Variants in P2RX7 observed in about 807,000 individuals in gnomAD.
P2RX7 encodes P2X purinoceptor 7.
In P2RX7, 62 loss-of-function variants were observed where a neutral mutation model predicts 71.6. The observed-to-expected ratio is 0.87, with a 90% confidence interval of 0.71 to 1.07. P2RX7 has a LOEUF of 1.07. Among genes scored for constraint, P2RX7 ranks in the 50% least tolerant of loss-of-function variants. P2RX7 has a pLI of 0.00. For missense variants in P2RX7, 686 were observed against 748.5 expected (o/e 0.92, Z 0.97); for synonymous variants, 299 against 283.3 (o/e 1.06, Z -0.56).
At chr12:121,171,359 C>CTTTTT in intron 8 of P2RX7, among the ~76,000 whole-genome samples, 1 of 105,024 alleles carries the variant, frequency 9.5e-6, no homozygotes, top group Non-Finnish European at 1.8e-5. Flanking sequence ...TCTTCAATCT[C>CTTTTT]TTTTTTTTTT....
intron 1 of P2RX7, among the ~76,000 whole-genome samples, chr12:121,148,370 G>A (rs112831493): frequency 6.6e-6 from 1 of 151,488 alleles, no homozygotes; most frequent in South Asian, 2.1e-4. Context: ...ACCCATCACC[G>A]CACCTAGCTA....
Position 121,133,024 on chromosome 12 carries a change from C to A in P2RX7, c.54C>A (p.Val18=). The A allele has an allele frequency of 6.2e-7, 1 of 1,614,056 alleles. No homozygotes were observed. The highest frequency in any genetic ancestry group is 1.1e-5 in the South Asian group (1 of 91,066). ...TTTTCCAGTATGAGACGAACAAAGT[C>A]ACTCGGATCCAGAGCATGAATTATG... is the stretch of plus-strand genomic sequence containing the variant. ...SDVFQYETNK[V]TRIQSMNYGT... Residue 18 remains valine, a synonymous_variant, in exon 1 of 13, where the codon GTC becomes GTA. Coordinates refer to ENST00000328963, the MANE Select transcript of P2RX7 (RefSeq NM_002562.6).
intron 1 of P2RX7, among the ~76,000 whole-genome samples, chr12:121,145,460 C>G (rs529476480): frequency 4.7e-4 from 71 of 150,342 alleles, no homozygotes; most frequent in Admixed American, 1.1e-3. Flanking sequence ...GTGAGTGAAT[C>G]AAGATGCGGA....
chr12:121,160,772 C>A, intron 3 of P2RX7, 130 bp from the exon 4 acceptor site: 1 of 805,032 alleles, frequency 1.2e-6, no homozygotes, highest in Non-Finnish European at 2.2e-6. Flanking sequence ...GTGGTTTCCA[C>A]TTTTTTGGCG....
intron 3 of P2RX7, among the ~76,000 whole-genome samples, chr12:121,159,515 C>T (rs1879225683): frequency 6.6e-6 from 1 of 151,572 alleles, no homozygotes; most frequent in Admixed American, 6.6e-5. Context: ...AATGGTGCAG[C>T]TACTGCTGAA....
chr12:121,166,369 C>T (rs1345341971), intron 7 of P2RX7, among the ~76,000 whole-genome samples, 182 bp downstream of exon 7: 1 of 152,190 alleles, frequency 6.6e-6, no homozygotes, highest in African/African-American at 2.4e-5. Context: ...CCAAAACAAT[C>T]CTTATGAGTG....
At chr12:121,164,405 A>G (rs187893323) in intron 5 of P2RX7, among the ~76,000 whole-genome samples, 117 of 152,368 alleles carry the variant, frequency 7.7e-4, no homozygotes, top group African/African-American at 2.7e-3. Flanking sequence ...CAACCACTGT[A>G]CATACCTGAA....
intron 1 of P2RX7, 59 bp downstream of exon 1, chr12:121,133,154 C>T: frequency 6.3e-7 from 1 of 1,595,004 alleles, no homozygotes; most frequent in Non-Finnish European, 8.6e-7. Context: ...CAGAAAGCCC[C>T]AGCGGGCAGC....
chr12:121,175,602 C>T (rs1399827982), intron 9 of P2RX7, 124 bp downstream of exon 9: 2 of 637,216 alleles, frequency 3.1e-6, no homozygotes, highest in Non-Finnish European at 5.9e-6. Flanking sequence ...GCATTTCGCA[C>T]ATGGGATAAA....
chr12:121,137,771 G>T (rs750763387), intron 1 of P2RX7, among the ~76,000 whole-genome samples: 1 of 152,212 alleles, frequency 6.6e-6, no homozygotes, highest in African/African-American at 2.4e-5. Flanking sequence ...AGTAGGACTG[G>T]TGTGGACCAC....
intron 1 of P2RX7, among the ~76,000 whole-genome samples, chr12:121,136,267 T>G (rs1873631988): frequency 6.6e-6 from 1 of 151,588 alleles, no homozygotes; most frequent in South Asian, 2.1e-4. Context: ...TGTCACAATT[T>G]CATGTAGCAG....
At chr12:121,165,976 A>C in intron 6 of P2RX7, 82 bp from the exon 7 acceptor site, 1 of 1,451,604 alleles carries the variant, frequency 6.9e-7, no homozygotes, top group Admixed American at 1.8e-5. Context: ...CCTCTCCACC[A>C]CACTGGCTCA....
intron 1 of P2RX7, among the ~76,000 whole-genome samples, chr12:121,147,598 T>TG (rs1257678863): frequency 1.1e-4 from 13 of 118,550 alleles, no homozygotes; most frequent in African/African-American, 6.6e-4. Flanking sequence ...GGGCAGTTTT[T>TG]TTTGTTGTTG....
intron 5 of P2RX7, among the ~76,000 whole-genome samples, chr12:121,162,899 G>A (rs1330973262): frequency 6.6e-6 from 1 of 152,008 alleles, no homozygotes; most frequent in African/African-American, 2.4e-5. Flanking sequence ...GAAGGAAGGA[G>A]GGAGATGGAA....
intron 4 of P2RX7, among the ~76,000 whole-genome samples, chr12:121,161,789 TAAAAAA>T (rs11443206): frequency 8.4e-6 from 1 of 119,546 alleles, no homozygotes; most frequent in South Asian, 2.7e-4. Flanking sequence ...GAGACCCCTT[TAAAAAA>T]AAAAAAAAAG....
At chr12:121,182,827 G>A (rs183747582) in intron 12 of P2RX7, among the ~76,000 whole-genome samples, 1 of 152,254 alleles carries the variant, frequency 6.6e-6, no homozygotes, top group East Asian at 1.9e-4. Context: ...AGCTTACTGT[G>A]ACTGTTTTAC....
intron 3 of P2RX7, 66 bp from the exon 4 acceptor site, chr12:121,160,836 A>G (rs1879520853): frequency 7.9e-7 from 1 of 1,262,044 alleles, no homozygotes; most frequent in African/African-American, 1.5e-5. Context: ...TGGATATCGA[A>G]TCACTTCTCC....
At chr12:121,171,862 C>CTTT (rs779128209) in intron 8 of P2RX7, among the ~76,000 whole-genome samples, 1 of 131,146 alleles carries the variant, frequency 7.6e-6, no homozygotes. Flanking sequence ...TTCTTTCTTT[C>CTTT]TTTTTTTTTT....
intron 8 of P2RX7, among the ~76,000 whole-genome samples, chr12:121,167,842 T>C (rs1465548136): frequency 1.3e-5 from 2 of 150,722 alleles, no homozygotes; most frequent in African/African-American, 2.5e-5. Context: ...AAATGGAGTC[T>C]CACTCTGTCA....
Sources: gnomAD v4.1 joint callset for allele counts (sites outside exome capture counted in the v4.1 genomes callset) on GRCh38, gnomAD v4.1.1 for gene constraint, MANE v1.5 for transcripts, NCBI Gene and HGNC (gene_info 2026-07-23, HGNC 2026-07-21) for gene names.